Variants in UBAC2 observed in about 807,000 individuals in gnomAD.
The protein encoded by UBAC2 is UBA domain containing 2.
A neutral mutation model predicts 44.0 loss-of-function variants in UBAC2; 26 were observed. The ratio of observed to expected loss-of-function variants is 0.59; its 90% CI spans 0.43 to 0.82. The LOEUF is 0.82. UBAC2 is among the 40% of genes least tolerant of loss of function. The pLI, the probability that UBAC2 is intolerant of heterozygous loss-of-function variation, is 0.00. For synonymous variants in UBAC2, 155 were observed against 154.3 expected (o/e 1.00, Z -0.04); for missense variants, 329 against 419.4 (o/e 0.78, Z 1.88).
intron 6 of UBAC2, among the ~76,000 whole-genome samples, chr13:99,321,707 G>A (rs2044571171): frequency 1.3e-5 from 2 of 152,198 alleles, no homozygotes. Flanking sequence ...ATAGAAGGTT[G>A]ATAAATTATG....
chr13:99,227,825 C>T (rs1465916732), intron 1 of UBAC2, among the ~76,000 whole-genome samples: 1 of 151,936 alleles, frequency 6.6e-6, no homozygotes, highest in Non-Finnish European at 1.5e-5. Context: ...CAAAGCAAAC[C>T]GTTCATTTAT....
chr13:99,346,636 A>G (rs892082508), intron 7 of UBAC2, among the ~76,000 whole-genome samples: 7 of 151,592 alleles, frequency 4.6e-5, no homozygotes, highest in African/African-American at 1.7e-4. Context: ...CCACATACAC[A>G]TCATTTTCAC....
intron 5 of UBAC2, 48 bp downstream of exon 5, chr13:99,314,268 T>C (rs1171112403): frequency 6.5e-7 from 1 of 1,536,294 alleles, no homozygotes; most frequent in Non-Finnish European, 8.7e-7. Flanking sequence ...AGATCTTTTT[T>C]TTTTTTTTTT....
chr13:99,337,450 A>C (rs2044805354), intron 6 of UBAC2, among the ~76,000 whole-genome samples: 1 of 151,818 alleles, frequency 6.6e-6, no homozygotes, highest in Non-Finnish European at 1.5e-5. Context: ...TTTTCTTTCT[A>C]AACAGTCTGT....
At chr13:99,347,303 G>A (rs1594153252) in intron 7 of UBAC2, among the ~76,000 whole-genome samples, 1 of 117,536 alleles carries the variant, frequency 8.5e-6, no homozygotes, top group African/African-American at 3.1e-5. Context: ...AGATTCAGAC[G>A]TTACTATCCC....
Position 99,277,350 on chromosome 13 carries a change from A to AC in UBAC2, c.389+32730dup, listed in dbSNP as rs535345194. Among the ~76,000 whole-genome samples, 152 of 152,102 alleles carry AC rather than the reference A, an allele frequency of 1.0e-3. 1 individual carries two copies. The highest frequency in any genetic ancestry group is 3.5e-3 in the African/African-American group (144 of 41,482). On this transcript the variant is annotated intron_variant, in intron 4 of 8. Coordinates refer to ENST00000403766, the MANE Select transcript of UBAC2 (RefSeq NM_001144072.2). ...AGACCAGCCTAACCAACATGGAGAA[A>AC]CCCCGTCTCTACTAAAAATACAAAA...
chr13:99,288,570 C>T (rs1259942049), intron 4 of UBAC2, among the ~76,000 whole-genome samples: 2 of 152,192 alleles, frequency 1.3e-5, no homozygotes, highest in African/African-American at 4.8e-5. Flanking sequence ...GATAAAGTAG[C>T]ATAGCAGTCA....
intron 1 of UBAC2, among the ~76,000 whole-genome samples, chr13:99,207,993 CTTTT>C (rs369860759): frequency 1.1e-4 from 12 of 109,504 alleles, no homozygotes; most frequent in African/African-American, 3.1e-4. Context: ...CTCATCGTCT[CTTTT>C]TTTTTTTTTT....
chr13:99,336,590 C>G (rs1465953432), intron 6 of UBAC2, among the ~76,000 whole-genome samples: 1 of 152,132 alleles, frequency 6.6e-6, no homozygotes, highest in Non-Finnish European at 1.5e-5. Context: ...CTGCTGAATA[C>G]CAGGTGCCCT....
chr13:99,285,450 T>C (rs999493818), intron 4 of UBAC2, among the ~76,000 whole-genome samples: 1 of 151,864 alleles, frequency 6.6e-6, no homozygotes, highest in African/African-American at 2.4e-5. Context: ...TGGAGTGCAG[T>C]GGTGCGATTG....
At chr13:99,324,104 C>T (rs2044605350) in intron 6 of UBAC2, among the ~76,000 whole-genome samples, 1 of 152,194 alleles carries the variant, frequency 6.6e-6, no homozygotes, top group African/African-American at 2.4e-5. Context: ...TTTCAGGATT[C>T]TGTATGATTG....
intron 7 of UBAC2, among the ~76,000 whole-genome samples, chr13:99,356,965 T>C (rs2045194662): frequency 6.6e-6 from 1 of 152,230 alleles, no homozygotes; most frequent in Admixed American, 6.5e-5. Flanking sequence ...GCCACAAAGC[T>C]TTTGCTGAGG....
intron 4 of UBAC2, chr13:99,258,204 C>G (rs903437247): frequency 4.6e-5 from 7 of 152,250 alleles, no homozygotes; most frequent in African/African-American, 1.7e-4. Flanking sequence ...TCAGCACTTC[C>G]ACTTCTGTCG....
chr13:99,278,592 A>G (rs77461533), intron 4 of UBAC2, among the ~76,000 whole-genome samples: 1 of 152,190 alleles, frequency 6.6e-6, no homozygotes, highest in African/African-American at 2.4e-5. Context: ...TTTAAAAGTG[A>G]AAAAAAGTGA....
At chr13:99,336,209 A>G (rs2044786913) in intron 6 of UBAC2, among the ~76,000 whole-genome samples, 1 of 152,076 alleles carries the variant, frequency 6.6e-6, no homozygotes, top group Non-Finnish European at 1.5e-5. Context: ...ACACATTCCT[A>G]GGGTTTCTTG....
chr13:99,237,799 A>G (rs1178297238), intron 1 of UBAC2, among the ~76,000 whole-genome samples: 1 of 152,168 alleles, frequency 6.6e-6, no homozygotes, highest in Non-Finnish European at 1.5e-5. Context: ...TACTAAGAAT[A>G]CAAAAATTAG....
chr13:99,204,370 G>A (rs930339468), intron 1 of UBAC2, among the ~76,000 whole-genome samples: 4 of 152,132 alleles, frequency 2.6e-5, no homozygotes, highest in Admixed American at 2.6e-4. Flanking sequence ...CTCTGGGAGG[G>A]ACAGAGCCTG....
intron 1 of UBAC2, among the ~76,000 whole-genome samples, chr13:99,215,971 G>A (rs2042989296): frequency 6.6e-6 from 1 of 152,188 alleles, no homozygotes. Context: ...AAAAAGAGCA[G>A]GAAGTAATAT....
At chr13:99,220,379 T>A (rs1435230042) in intron 1 of UBAC2, among the ~76,000 whole-genome samples, 2 of 152,214 alleles carry the variant, frequency 1.3e-5, no homozygotes, top group East Asian at 3.8e-4. Context: ...GTATTACATG[T>A]AAAGTGCTTT....
Sources: gnomAD v4.1 joint callset for allele counts (sites outside exome capture counted in the v4.1 genomes callset) on GRCh38, gnomAD v4.1.1 for gene constraint, MANE v1.5 for transcripts, NCBI Gene and HGNC (gene_info 2026-07-23, HGNC 2026-07-21) for gene names.